Variants in KIF5C observed in about 807,000 individuals in gnomAD.
KIF5C encodes the protein kinesin heavy chain isoform 5C.
Under a neutral mutation model 125.2 loss-of-function variants are expected in KIF5C, and 18 were observed. The ratio of observed to expected loss-of-function variants is 0.14; its 90% confidence interval spans 0.10 to 0.21. The LOEUF is 0.21. Ranked by LOEUF, KIF5C falls within the 10% of genes least tolerant of loss-of-function variation. The pLI, the probability that KIF5C is intolerant of heterozygous loss-of-function variation, is 1.00. For synonymous variants in KIF5C, 405 were observed against 434.0 expected (o/e 0.93, Z 0.83); for missense variants, 780 against 1,183.8 (o/e 0.66, Z 5.01).
Position 149,023,986 on chromosome 2 carries a change from A to G in KIF5C, c.*916A>G, listed in dbSNP as rs897284885. 3 of 152,192 alleles carry G rather than the reference A, an allele frequency of 2.0e-5. No homozygotes were observed. Among genetic ancestry groups the G allele is most frequent in the African/African-American group, 7.2e-5 (3 of 41,450 alleles). The allele number at this position is 152,192 out of a possible 1,614,324, so 9.4% of individuals were successfully genotyped here. ...GAGTGGGTATTGCTGAAGAAATCCA[A>G]CATCATTCCAGCAGTTGAAAAAGGA... On this transcript the variant is annotated 3_prime_UTR_variant, in exon 26 of 26. Coordinates refer to ENST00000435030, the MANE Select transcript of KIF5C (RefSeq NM_004522.3).
rs556099656 is a variant in KIF5C at position 149,005,288 on chromosome 2, C to T, written c.2374-105C>T. 70 of 1,524,090 alleles carry T rather than the reference C, an allele frequency of 4.6e-5. No individual in the cohort carries two copies. In the South Asian group the frequency reaches 5.9e-4, roughly 13 times the overall value. 94.4% of individuals were successfully genotyped at this position (1,524,090 alleles called of 1,614,324 possible). ...CACAGGGAAGGGGGTGCACCAGCGGCGTCCATGGCAGGCTTGGGAAGTGTC... is the reference window on the plus strand; with the variant it reads ...CACAGGGAAGGGGGTGCACCAGCGGTGTCCATGGCAGGCTTGGGAAGTGTC... On this transcript the variant is annotated intron_variant, in intron 21 of 25. Coordinates refer to ENST00000435030, the MANE Select transcript of KIF5C (RefSeq NM_004522.3).
At chr2:148,885,762 C>T (rs530360958) in intron 1 of KIF5C, 33 of 152,272 alleles carry the variant, frequency 2.2e-4, no homozygotes, top group African/African-American at 7.0e-4. Context: ...AAACAAACCC[C>T]GGTGATTTAT....
chr2:148,998,606 T>C (rs1681747420), intron 19 of KIF5C, 97 bp downstream of exon 19: 1 of 1,515,660 alleles, frequency 6.6e-7, no homozygotes, highest in Non-Finnish European at 8.9e-7. Context: ...AGGGCCCTGC[T>C]CACCTTGCCC....
At chr2:148,960,680 G>C (rs1200373513) in intron 10 of KIF5C, among the ~76,000 whole-genome samples, 2 of 152,182 alleles carry the variant, frequency 1.3e-5, no homozygotes, top group Non-Finnish European at 2.9e-5. Context: ...TGAATTTTTG[G>C]AATGACATCT....
intron 3 of KIF5C, among the ~76,000 whole-genome samples, chr2:148,932,853 G>C (rs1289322821): frequency 6.6e-6 from 1 of 152,158 alleles, no homozygotes; most frequent in Admixed American, 6.5e-5. Context: ...ACTCTGCCCT[G>C]CTTGGGAGGT....
At position 148,875,575 on chromosome 2, in the gene KIF5C, G is replaced by GCCCCCCCCCCCCCCCCCCGGCCCC; in HGVS notation, c.-37_-36insCCCCCCCCCCCCGGCCCCCCCCCC. The GCCCCCCCCCCCCCCCCCCGGCCCC allele has an allele frequency of 2.9e-6, 2 of 699,606 alleles. No homozygotes were observed. Among genetic ancestry groups the GCCCCCCCCCCCCCCCCCCGGCCCC allele is most frequent in the Non-Finnish European group, 5.1e-6 (2 of 389,230 alleles). 43.3% of individuals were successfully genotyped at this position (699,606 alleles called of 1,614,324 possible). On this transcript the variant is annotated 5_prime_UTR_variant, in exon 1 of 26. Transcript: ENST00000435030. Reference sequence around the variant, plus strand: ...TCCTCCCTCGTCGTTCCCGGCCCCGGCCCCCCACCCATCCCCGTGCCCCCT... The same window carrying GCCCCCCCCCCCCCCCCCCGGCCCC: ...TCCTCCCTCGTCGTTCCCGGCCCCGGCCCCCCCCCCCCCCCCCCGGCCCCCCCCCCACCCATCCCCGTGCCCCCT...
chr2:148,981,246 A>G, intron 13 of KIF5C, 109 bp from the exon 14 acceptor site: 1 of 1,430,468 alleles, frequency 7.0e-7, no homozygotes, highest in South Asian at 1.6e-5. Context: ...GAACTTTTTC[A>G]ACTTGTTTTC....
At chr2:148,930,805 A>C (rs1682162946) in intron 3 of KIF5C, among the ~76,000 whole-genome samples, 1 of 152,178 alleles carries the variant, frequency 6.6e-6, no homozygotes, top group East Asian at 1.9e-4. Context: ...CTGACTAAGC[A>C]GGTCTTTCCC....
intron 1 of KIF5C, among the ~76,000 whole-genome samples, chr2:148,920,550 C>T (rs1401564568): frequency 6.6e-6 from 1 of 152,170 alleles, no homozygotes; most frequent in Non-Finnish European, 1.5e-5. Context: ...GGTTCTGCTG[C>T]TTTGCATCAA....
chr2:148,997,431 G>C, intron 18 of KIF5C, 91 bp downstream of exon 18: 1 of 1,589,636 alleles, frequency 6.3e-7, no homozygotes, highest in Non-Finnish European at 8.6e-7. Context: ...GTCACCTTCA[G>C]ATCCGTATAT....
In KIF5C at chr2:148,875,619, TGGC is replaced by T; in HGVS notation, c.5_7del (p.Ala2?). 7.5e-7 allele frequency: 1 copy of T among 1,331,308 alleles called. No individual in the cohort carries two copies. Among genetic ancestry groups the T allele is most frequent in the Non-Finnish European group, 1.0e-6 (1 of 1,004,388 alleles). The allele number at this position is 1,331,308 out of a possible 1,614,324, so 82.5% of individuals were successfully genotyped here. On this transcript the variant is annotated start_lost and inframe_deletion, in exon 1 of 26. Transcript: ENST00000435030. The stretch of plus-strand genomic sequence containing the variant: ...GCCCCCTCCCTACCGCCGGCCGAGA[TGGC>T]GGATCCAGCCGAATGCAGCATCAAA...
At chr2:148,956,470 G>A (rs1682795080) in intron 10 of KIF5C, among the ~76,000 whole-genome samples, 1 of 152,126 alleles carries the variant, frequency 6.6e-6, no homozygotes, top group African/African-American at 2.4e-5. Flanking sequence ...TTTCCTAAGG[G>A]TGGTTAACAT....
chr2:149,004,890 G>A (rs940433809), intron 21 of KIF5C, among the ~76,000 whole-genome samples: 1 of 152,204 alleles, frequency 6.6e-6, no homozygotes, highest in African/African-American at 2.4e-5. Flanking sequence ...TCATCCGTAA[G>A]CTCAGTGACT....
At chr2:149,010,112 C>T in intron 23 of KIF5C, 23 bp from the exon 24 acceptor site, 1 of 1,530,872 alleles carries the variant, frequency 6.5e-7, no homozygotes, top group Non-Finnish European at 8.8e-7. Context: ...TAGTAACTCC[C>T]TTCCTTTATC....
At chr2:148,919,633 T>A (rs1263394620) in intron 1 of KIF5C, among the ~76,000 whole-genome samples, 1 of 152,174 alleles carries the variant, frequency 6.6e-6, no homozygotes, top group African/African-American at 2.4e-5. Context: ...AAAGAGTAAT[T>A]AGTGATTTTT....
At position 148,930,528 on chromosome 2, in the gene KIF5C, G is replaced by A. The variant is rs1024449890; in HGVS notation, c.291+1174G>A. Among the ~76,000 whole-genome samples the A allele has an allele frequency of 8.7e-4, 132 of 152,162 alleles. 2 individuals are homozygous for A. Among genetic ancestry groups the A allele is most frequent in the Admixed American group, 8.6e-3 (132 of 15,298 alleles). On this transcript the variant is annotated intron_variant, in intron 3 of 25. Transcript: ENST00000435030. ...TTCCAGCTTAGTGTTTTTCATTTAC[G>A]ATGCCCTCCTGGGAATAGCACTGAG... is the stretch of plus-strand genomic sequence containing the variant.
intron 7 of KIF5C, 112 bp downstream of exon 7, chr2:148,942,872 T>A: frequency 6.6e-7 from 1 of 1,517,606 alleles, no homozygotes; most frequent in Non-Finnish European, 8.9e-7. Flanking sequence ...GGGAAGGTGA[T>A]TAAAGAGCAG....
At chr2:148,941,744 G>A in intron 5 of KIF5C, 86 bp downstream of exon 5, 2 of 1,507,310 alleles carry the variant, frequency 1.3e-6, no homozygotes, top group South Asian at 1.3e-5. Flanking sequence ...TCTGCTTAAG[G>A]AATTAATGAA....
intron 12 of KIF5C, among the ~76,000 whole-genome samples, chr2:148,974,142 G>A (rs1279620495): frequency 6.6e-6 from 1 of 152,200 alleles, no homozygotes; most frequent in Non-Finnish European, 1.5e-5. Context: ...AGAGGCCTTG[G>A]AGAACACTGG....
Sources: gnomAD v4.1 joint callset for allele counts (sites outside exome capture counted in the v4.1 genomes callset) on GRCh38, gnomAD v4.1.1 for gene constraint, MANE v1.5 for transcripts, NCBI Gene and HGNC (gene_info 2026-07-23, HGNC 2026-07-21) for gene names.